The following WWOX variants were observed in gnomAD, a reference collection of about 807,000 sequenced individuals.
The protein encoded by WWOX is WW domain containing oxidoreductase.
WWOX carries 69 observed loss-of-function variants against 46.2 expected under a neutral mutation model. That is an observed-to-expected ratio of 1.49 (90% CI 1.23 to 1.82). The LOEUF (loss-of-function observed/expected upper bound fraction) is 1.82, where lower values mean the gene tolerates loss of function less well. Ranked by LOEUF, WWOX falls within the 40% of genes most tolerant of loss-of-function variation. WWOX has a pLI of 0.00. For synonymous variants in WWOX, 359 were observed against 202.6 expected, an observed-to-expected ratio of 1.77 and a Z score of -6.56; for missense variants, 919 against 542.6, an observed-to-expected ratio of 1.69 and a Z score of -6.89.
At chr16:79,033,864 G>A (rs2047814495) in intron 8 of WWOX, among the ~76,000 whole-genome samples, 1 of 152,218 alleles carries the variant, frequency 6.6e-6, no homozygotes, top group Admixed American at 6.5e-5. Context: ...TGGATTCTCA[G>A]CATCATGGGA....
chr16:79,123,999 A>C (rs1459766042), intron 8 of WWOX, among the ~76,000 whole-genome samples: 1 of 152,178 alleles, frequency 6.6e-6, no homozygotes, highest in African/African-American at 2.4e-5. Context: ...AGCCAAGCTA[A>C]ATAAACTCTG....
intron 5 of WWOX, among the ~76,000 whole-genome samples, chr16:78,316,056 G>A (rs967408048): frequency 2.0e-5 from 3 of 151,932 alleles, no homozygotes; most frequent in African/African-American, 7.3e-5. Flanking sequence ...GATTAGCCTG[G>A]CCCACATGGT....
intron 8 of WWOX, among the ~76,000 whole-genome samples, chr16:78,575,012 T>TTTAAAGCTGTCATGG (rs2044819775): frequency 6.7e-5 from 1 of 15,014 alleles, no homozygotes; most frequent in Admixed American, 1.7e-3. Flanking sequence ...TATATATATA[T>TTTAAAGCTGTCATGG]ATATATATAA....
intron 1 of WWOX, among the ~76,000 whole-genome samples, chr16:78,107,762 G>C (rs1597206696): frequency 1.3e-5 from 2 of 152,222 alleles, no homozygotes; most frequent in East Asian, 3.9e-4. Context: ...TTGAGTCCAG[G>C]AGTTCCAGTC....
chr16:79,061,229 T>C (rs2048352665), intron 8 of WWOX, among the ~76,000 whole-genome samples: 1 of 152,232 alleles, frequency 6.6e-6, no homozygotes, highest in South Asian at 2.1e-4. Context: ...GGAAGGACTC[T>C]AAAGCCCTAT....
chr16:78,971,253 C>T (rs974609389), intron 8 of WWOX, among the ~76,000 whole-genome samples: 1 of 151,690 alleles, frequency 6.6e-6, no homozygotes, highest in African/African-American at 2.4e-5. Flanking sequence ...TTGTTGAGGT[C>T]AGGAGTTCGA....
chr16:78,495,162 G>A (rs1235221577), intron 8 of WWOX, among the ~76,000 whole-genome samples: 1 of 16,926 alleles, frequency 5.9e-5, no homozygotes, highest in African/African-American at 8.1e-5. Flanking sequence ...TTTTTTTTGA[G>A]ATAGACTCTT....
At chr16:79,056,954 G>C (rs1322695750) in intron 8 of WWOX, among the ~76,000 whole-genome samples, 1 of 152,168 alleles carries the variant, frequency 6.6e-6, no homozygotes, top group South Asian at 2.1e-4. Context: ...ATAGGGACAG[G>C]ATATTTATTA....
intron 5 of WWOX, among the ~76,000 whole-genome samples, chr16:78,320,187 T>C (rs1240556055): frequency 6.6e-6 from 1 of 152,190 alleles, no homozygotes; most frequent in Non-Finnish European, 1.5e-5. Context: ...AAACCTTCCT[T>C]GCATGTACGA....
chr16:78,482,638 C>T (rs1234386506), intron 8 of WWOX, among the ~76,000 whole-genome samples: 2 of 152,152 alleles, frequency 1.3e-5, no homozygotes, highest in South Asian at 2.1e-4. Context: ...GAAGTGGCTA[C>T]TATAATTATC....
At chr16:79,110,334 C>A (rs2049393153) in intron 8 of WWOX, among the ~76,000 whole-genome samples, 1 of 152,132 alleles carries the variant, frequency 6.6e-6, no homozygotes, top group African/African-American at 2.4e-5. Context: ...CATGCCCCTG[C>A]CAACCTCCCC....
At chr16:78,494,884 G>T (rs1382835202) in intron 8 of WWOX, among the ~76,000 whole-genome samples, 2 of 152,084 alleles carry the variant, frequency 1.3e-5, no homozygotes. Flanking sequence ...CAGCCCATTC[G>T]GAGGGTTTTA....
intron 8 of WWOX, among the ~76,000 whole-genome samples, chr16:78,645,252 T>C (rs1226519992): frequency 1.3e-5 from 2 of 152,114 alleles, no homozygotes; most frequent in Non-Finnish European, 2.9e-5. Context: ...TGCTTAGTTG[T>C]CAGTATAAAT....
At position 79,095,860 on chromosome 16, in the gene WWOX, CTTTTTTT is replaced by C. The variant is rs775730124; in HGVS notation, c.1057-115732_1057-115726del. Reference sequence around the variant, plus strand: ...GATCACTGCTCAATTCTCTCTCTCTCTTTTTTTTTTTTTTTTTTTTTTAAGACAGAGT... The same window carrying C: ...GATCACTGCTCAATTCTCTCTCTCTCTTTTTTTTTTTTTTTAAGACAGAGT... On this transcript the variant is annotated intron_variant, in intron 8 of 8. Coordinates refer to ENST00000566780, the MANE Select transcript of WWOX (RefSeq NM_016373.4). Among the ~76,000 whole-genome samples, 135 of 118,478 alleles carry C rather than the reference CTTTTTTT, an allele frequency of 1.1e-3. 2 individuals carry two copies. The highest frequency in any genetic ancestry group is 6.2e-3 in the Admixed American group (72 of 11,548). 77.7% of individuals were successfully genotyped at this position (118,478 alleles called of 152,430 possible).
intron 5 of WWOX, among the ~76,000 whole-genome samples, chr16:78,205,564 C>A (rs563745555): frequency 1.2e-3 from 187 of 151,870 alleles, no homozygotes; most frequent in Non-Finnish European, 2.0e-3. Flanking sequence ...CATCCATCTG[C>A]CAATCCACCC....
At chr16:78,290,116 C>T (rs2079835725) in intron 5 of WWOX, among the ~76,000 whole-genome samples, 1 of 152,086 alleles carries the variant, frequency 6.6e-6, no homozygotes, top group Non-Finnish European at 1.5e-5. Flanking sequence ...ATGTGTTTAA[C>T]GAATGACAGT....
chr16:78,768,449 G>A (rs1045895369), intron 8 of WWOX, among the ~76,000 whole-genome samples: 2 of 151,992 alleles, frequency 1.3e-5, no homozygotes, highest in African/African-American at 4.8e-5. Flanking sequence ...AATTAGCCAG[G>A]TGTGGTGGCG....
At chr16:78,475,316 C>G (rs1422321915) in intron 8 of WWOX, among the ~76,000 whole-genome samples, 2 of 152,206 alleles carry the variant, frequency 1.3e-5, no homozygotes, top group African/African-American at 4.8e-5. Flanking sequence ...GTTTTGGGCT[C>G]TCCTTGTTCA....
At chr16:78,277,282 A>C (rs2079594499) in intron 5 of WWOX, among the ~76,000 whole-genome samples, 1 of 152,178 alleles carries the variant, frequency 6.6e-6, no homozygotes, top group East Asian at 1.9e-4. Context: ...AGCATTCTGT[A>C]GATTTTTGGC....
Sources: allele counts gnomAD v4.1 joint callset (sites outside exome capture counted in the v4.1 genomes callset), GRCh38; gene constraint gnomAD v4.1.1; transcripts MANE v1.5; gene names NCBI Gene and HGNC (gene_info 2026-07-23, HGNC 2026-07-21).